TRDN: variants seen among roughly 807,000 people sequenced by gnomAD.
TRDN encodes the protein triadin.
In TRDN, 161 loss-of-function variants were observed where a neutral mutation model predicts 149.7. That is an observed-to-expected ratio of 1.08 (90% CI 0.95 to 1.23). TRDN has a LOEUF of 1.23. Among genes scored for constraint, TRDN ranks in the 50% most tolerant of loss-of-function variants. The pLI, the probability that TRDN is intolerant of heterozygous loss-of-function variation, is 0.00. For missense variants in TRDN, 896 were observed against 823.5 expected (o/e 1.09, Z -1.08); for synonymous variants, 294 against 250.5 (o/e 1.17, Z -1.64).
At chr6:123,346,481 T>A (rs1479696859) in intron 21 of TRDN, among the ~76,000 whole-genome samples, 1 of 151,950 alleles carries the variant, frequency 6.6e-6, no homozygotes, top group Non-Finnish European at 1.5e-5. Context: ...TTGTGATGGA[T>A]ATGTACACAG....
chr6:123,474,040 C>T (rs1021523438), intron 9 of TRDN, among the ~76,000 whole-genome samples: 15 of 151,656 alleles, frequency 9.9e-5, no homozygotes, highest in African/African-American at 2.9e-4. Context: ...CATCAACTAA[C>T]GAGCAAAATA....
chr6:123,583,497 T>A (rs528872353), intron 1 of TRDN, among the ~76,000 whole-genome samples: 1 of 151,672 alleles, frequency 6.6e-6, no homozygotes, highest in East Asian at 1.9e-4. Flanking sequence ...TGAGGTGTGT[T>A]TTTAAAAGAC....
chr6:123,587,739 T>C (rs12203192), intron 1 of TRDN, among the ~76,000 whole-genome samples: 60,834 of 146,596 alleles, frequency 0.41, 12,640 homozygotes, highest in Middle Eastern at 0.44. Context: ...AGCTGTTTTA[T>C]AGGATTTGGG....
Position 123,573,768 on chromosome 6 carries a change from A to G in TRDN, c.23-2636T>C, listed in dbSNP as rs560559731. Reference sequence around the variant, plus strand: ...GCAAATAGAGTTATTTCATCATGGTACAAACATTATCACTATAACTGAATT... The same window carrying G: ...GCAAATAGAGTTATTTCATCATGGTGCAAACATTATCACTATAACTGAATT... On this transcript the variant is annotated intron_variant, in intron 1 of 40. Coordinates refer to ENST00000334268, the MANE Select transcript of TRDN (RefSeq NM_006073.4). Among the ~76,000 whole-genome samples the G allele has an allele frequency of 1.6e-4, 24 of 152,174 alleles. 1 individual carries two copies. The South Asian group carries it at 4.8e-3, about 30-fold the overall frequency.
At chr6:123,622,303 C>A (rs10080726) in intron 1 of TRDN, among the ~76,000 whole-genome samples, 39,340 of 150,118 alleles carry the variant, frequency 0.26, 7,181 homozygotes, top group African/African-American at 0.53. Context: ...CTCTCTCTCT[C>A]TATATATATA....
intron 9 of TRDN, chr6:123,471,483 A>C (rs1777148124): frequency 6.6e-6 from 1 of 152,122 alleles, no homozygotes. Context: ...TCACAATTTT[A>C]GAAAAGGTTT....
chr6:123,256,987 CTTT>C (rs34052517), intron 35 of TRDN, among the ~76,000 whole-genome samples: 5 of 142,898 alleles, frequency 3.5e-5, no homozygotes, highest in Admixed American at 1.4e-4. Flanking sequence ...TCTTTTCTTT[CTTT>C]TTTTTTTTTT....
chr6:123,357,711 T>A (rs941256117), intron 20 of TRDN, among the ~76,000 whole-genome samples: 1 of 152,200 alleles, frequency 6.6e-6, no homozygotes, highest in Non-Finnish European at 1.5e-5. Context: ...ATTATAAGTA[T>A]GTTTAGGAAA....
At chr6:123,310,214 G>T (rs1410025700) in intron 24 of TRDN, among the ~76,000 whole-genome samples, 3 of 151,920 alleles carry the variant, frequency 2.0e-5, no homozygotes, top group Admixed American at 6.6e-5. Context: ...AAAATGATGG[G>T]ACCAATATGA....
intron 24 of TRDN, among the ~76,000 whole-genome samples, chr6:123,298,275 A>G (rs1452038654): frequency 6.6e-6 from 1 of 151,926 alleles, no homozygotes; most frequent in East Asian, 1.9e-4. Flanking sequence ...GTATGACCCC[A>G]CTTGTTTATT....
chr6:123,360,006 T>C (rs903886047), intron 20 of TRDN, among the ~76,000 whole-genome samples: 1 of 151,662 alleles, frequency 6.6e-6, no homozygotes, highest in Non-Finnish European at 1.5e-5. Flanking sequence ...TGAAGGGGAA[T>C]TTTTTTTTAA....
intron 12 of TRDN, among the ~76,000 whole-genome samples, chr6:123,399,221 T>G (rs1772860106): frequency 6.6e-6 from 1 of 152,128 alleles, no homozygotes; most frequent in African/African-American, 2.4e-5. Flanking sequence ...AAAATCAGCT[T>G]TTTCCAAAAA....
chr6:123,284,489 A>T lies in TRDN; in HGVS notation c.1511-5407T>A, dbSNP rs1254792297. Among the ~76,000 whole-genome samples, 4 of 152,062 alleles carry T rather than the reference A, an allele frequency of 2.6e-5. No homozygotes were observed. The South Asian group carries it at 8.3e-4, about 31-fold the overall frequency. ...TCACTTTATGATTAAAACCCTCAGCAAAATTGGCATACAGGGGAAACCCCT... is the reference window on the plus strand; with the variant it reads ...TCACTTTATGATTAAAACCCTCAGCTAAATTGGCATACAGGGGAAACCCCT... On this transcript the variant is annotated intron_variant, in intron 24 of 40. Coordinates refer to ENST00000334268, the MANE Select transcript of TRDN (RefSeq NM_006073.4).
chr6:123,367,667 T>G (rs1200192559), intron 19 of TRDN, among the ~76,000 whole-genome samples: 4 of 152,216 alleles, frequency 2.6e-5, no homozygotes, highest in Non-Finnish European at 5.9e-5. Context: ...CTCTTAAACT[T>G]AAGCATGCAT....
chr6:123,255,543 G>C (rs763101849), intron 36 of TRDN, among the ~76,000 whole-genome samples: 3 of 152,002 alleles, frequency 2.0e-5, no homozygotes, highest in Non-Finnish European at 2.9e-5. Context: ...CATCTTATAT[G>C]GTGTAGTTTG....
At chr6:123,569,217 A>G (rs1424991801) in intron 2 of TRDN, among the ~76,000 whole-genome samples, 1 of 152,204 alleles carries the variant, frequency 6.6e-6, no homozygotes, top group Non-Finnish European at 1.5e-5. Flanking sequence ...AAGGCATAAC[A>G]TGCATCACCT....
intron 10 of TRDN, among the ~76,000 whole-genome samples, chr6:123,455,654 T>C (rs1776075079): frequency 6.6e-6 from 1 of 152,180 alleles, no homozygotes; most frequent in Non-Finnish European, 1.5e-5. Context: ...GTTTGTTTGT[T>C]TGGTGTTGCT....
chr6:123,490,646 G>T (rs559350048), intron 9 of TRDN, among the ~76,000 whole-genome samples: 1 of 152,286 alleles, frequency 6.6e-6, no homozygotes, highest in South Asian at 2.1e-4. Context: ...TTTGCTAAAA[G>T]AGCATGTCAC....
intron 1 of TRDN, among the ~76,000 whole-genome samples, chr6:123,625,758 A>G (rs2114725272): frequency 6.6e-6 from 1 of 152,288 alleles, no homozygotes; most frequent in South Asian, 2.1e-4. Context: ...TGAAAATAAA[A>G]AATACTTTAT....
Sources: allele counts gnomAD v4.1 joint callset (sites outside exome capture counted in the v4.1 genomes callset), GRCh38; gene constraint gnomAD v4.1.1; transcripts MANE v1.5; gene names NCBI Gene and HGNC (gene_info 2026-07-23, HGNC 2026-07-21).